OBI1: variants seen among roughly 807,000 people sequenced by gnomAD.
OBI1 encodes ORC ubiquitin ligase 1, also known as ring finger protein 219.
OBI1 carries 59 observed loss-of-function variants against 62.4 expected under a neutral mutation model. That is an observed-to-expected ratio of 0.95 (90% CI 0.77 to 1.17). OBI1 has a LOEUF of 1.17. OBI1 is among the 50% of genes most tolerant of loss of function. The probability of loss-of-function intolerance (pLI) is 0.00; values close to 1 mark genes in which losing one functional copy is unlikely to be tolerated. For synonymous variants in OBI1, 302 were observed against 292.8 expected, an observed-to-expected ratio of 1.03 and a Z score of -0.32; for missense variants, 875 against 830.9, an observed-to-expected ratio of 1.05 and a Z score of -0.65.
intron 4 of OBI1, among the ~76,000 whole-genome samples, chr13:78,636,051 C>T (rs552166548): frequency 6.6e-6 from 1 of 152,264 alleles, no homozygotes; most frequent in African/African-American, 2.4e-5. Context: ...GTATGAGCCA[C>T]TTGCCAGGCC....
intron 5 of OBI1, among the ~76,000 whole-genome samples, chr13:78,624,301 A>T (rs1875601059): frequency 6.6e-6 from 1 of 152,226 alleles, no homozygotes; most frequent in Non-Finnish European, 1.5e-5. Context: ...GACAAAGTTG[A>T]TAAAGACAGG....
In OBI1 at chr13:78,616,137, C is replaced by G. The variant is rs1875275546; in HGVS notation, c.1624G>C (p.Asp542His). ...TTGTCTGACTCTGACATCATTGAAT[C>G]CAACTCAGAGATTTTGTCAAGGTAA... ...AAYLDKISEL[D>H]SMMSESDNSK... The change falls in exon 6 of 6, where the codon GAT becomes CAT. Residue 542 changes from aspartate to histidine, a missense_variant. Asp to His is a moderately conservative substitution (Grantham distance 81). Coordinates refer to ENST00000282003, the MANE Select transcript of OBI1 (RefSeq NM_024546.4). 6.2e-7 allele frequency: 1 copy of G among 1,614,132 alleles called. No individual in the cohort carries two copies. Among genetic ancestry groups the G allele is most frequent in the East Asian group, 2.2e-5 (1 of 44,866 alleles).
chr13:78,647,970 G>C (rs866632747), intron 1 of OBI1, among the ~76,000 whole-genome samples: 1 of 144,916 alleles, frequency 6.9e-6, no homozygotes, highest in Non-Finnish European at 1.5e-5. Flanking sequence ...CAACTGGTTT[G>C]ACAGATTCAT....
Position 78,615,523 on chromosome 13 carries a change from T to TG in OBI1, c.*56_*57insC. The TG allele has an allele frequency of 1.5e-6, 2 of 1,331,844 alleles. No homozygotes were observed. Among genetic ancestry groups the TG allele is most frequent in the Non-Finnish European group, 2.1e-6 (2 of 967,844 alleles). 82.5% of individuals were successfully genotyped at this position (1,331,844 alleles called of 1,614,324 possible). ...ACTTTTATGAGGAAAAAAGGTAACT[T>TG]TAACAACTTTTCTATTTCTCTCAGG... On this transcript the variant is annotated 3_prime_UTR_variant, in exon 6 of 6. Coordinates refer to ENST00000282003, the MANE Select transcript of OBI1 (RefSeq NM_024546.4).
chr13:78,640,140 C>T (rs1876168481), intron 3 of OBI1, among the ~76,000 whole-genome samples: 2 of 151,822 alleles, frequency 1.3e-5, no homozygotes, highest in African/African-American at 4.8e-5. Context: ...TTGAGGCATA[C>T]TCAACTGCTT....
At chr13:78,629,678 T>C (rs1021186552) in intron 5 of OBI1, among the ~76,000 whole-genome samples, 20 of 152,154 alleles carry the variant, frequency 1.3e-4, no homozygotes, top group African/African-American at 4.8e-4. Context: ...TTTAGGAATA[T>C]GAGAAATCCA....
At chr13:78,630,909 C>T (rs141781402) in intron 5 of OBI1, among the ~76,000 whole-genome samples, 2 of 152,252 alleles carry the variant, frequency 1.3e-5, no homozygotes, top group African/African-American at 2.4e-5. Flanking sequence ...TGATTCCTTG[C>T]TATTATTTCA....
chr13:78,635,119 G>A lies in OBI1; in HGVS notation c.629C>T (p.Ser210Leu). ...LRLKAEVDNR[S>L]PQKFGRFAVA... Reference sequence around the variant, plus strand: ...GGAGCAAAATACATACTTTTGAGGTGATCTGTTATCAACTTCAGCCTTCAG... The same window carrying A: ...GGAGCAAAATACATACTTTTGAGGTAATCTGTTATCAACTTCAGCCTTCAG... Residue 210 changes from serine (S) to leucine (L), a missense_variant, in exon 5 of 6, where the codon TCA (serine) becomes TTA (leucine). Physicochemically the swap from Ser to Leu is moderately radical, Grantham distance 145. Transcript: ENST00000282003. The A allele has an allele frequency of 2.5e-6, 4 of 1,599,514 alleles. No homozygotes were observed. The highest frequency in any genetic ancestry group is 3.4e-6 in the Non-Finnish European group (4 of 1,169,122).
Position 78,615,723 on chromosome 13 carries a change from G to A in OBI1, c.2038C>T (p.His680Tyr), listed in dbSNP as rs764053866. The A allele has an allele frequency of 6.8e-6, 11 of 1,613,962 alleles. No homozygotes were observed. In the South Asian group the frequency reaches 7.7e-5, roughly 11 times the overall value. ...SSLFKMSSEM[H>Y]SLHNHLQSPW... Reference sequence around the variant, plus strand: ...GACTGAAGGTGGTTATGAAGACTGTGCATCTCTGAGGACATCTTAAACAAA... The same window carrying A: ...GACTGAAGGTGGTTATGAAGACTGTACATCTCTGAGGACATCTTAAACAAA... The change falls in exon 6 of 6, where the codon CAC (histidine) becomes TAC (tyrosine). Residue 680 changes from histidine (H) to tyrosine (Y), a missense_variant. Coordinates refer to ENST00000282003, the MANE Select transcript of OBI1 (RefSeq NM_024546.4).
rs527995103 is a variant in OBI1 at position 78,618,442 on chromosome 13, T to C, written c.639-1320A>G. ...AGAAGCCAATAGCAATTGCCCCTCTTAGAATCAACCACAACATGTTTTCAA... is the reference window on the plus strand; with the variant it reads ...AGAAGCCAATAGCAATTGCCCCTCTCAGAATCAACCACAACATGTTTTCAA... On this transcript the variant is annotated intron_variant, in intron 5 of 5. Coordinates refer to ENST00000282003, the MANE Select transcript of OBI1 (RefSeq NM_024546.4). 1.8e-4 allele frequency among the ~76,000 whole-genome samples: 27 copies of C among 152,012 alleles called. No homozygotes were observed. The East Asian group carries it at 4.6e-3, about 26-fold the overall frequency.
At chr13:78,629,968 T>C (rs1274016925) in intron 5 of OBI1, among the ~76,000 whole-genome samples, 1 of 152,156 alleles carries the variant, frequency 6.6e-6, no homozygotes, top group Non-Finnish European at 1.5e-5. Flanking sequence ...ATGTGGCTAC[T>C]ACTACTGGAG....
At position 78,617,127 on chromosome 13, in the gene OBI1, A is replaced by G. The variant is rs1345443272; in HGVS notation, c.639-5T>C. On this transcript the variant is annotated splice_region_variant and splice_polypyrimidine_tract_variant and intron_variant, in intron 5 of 5. Coordinates refer to ENST00000282003, the MANE Select transcript of OBI1 (RefSeq NM_024546.4). ...GCAACTGCAAACCTTCCAAACCTACAAAGAATGGAAAGATAGTTAATCTTA... is the reference window on the plus strand; with the variant it reads ...GCAACTGCAAACCTTCCAAACCTACGAAGAATGGAAAGATAGTTAATCTTA... The G allele has an allele frequency of 6.5e-7, 1 of 1,527,128 alleles. No individual in the cohort carries two copies. The highest frequency in any genetic ancestry group is 2.3e-5 in the East Asian group (1 of 44,220). 94.6% of individuals were successfully genotyped at this position (1,527,128 alleles called of 1,614,324 possible). A position where few individuals can be genotyped will look rare whatever the true frequency, so the allele number is the denominator to read the frequency against.
intron 1 of OBI1, 104 bp downstream of exon 1, chr13:78,658,945 C>A (rs2137477622): frequency 1.0e-6 from 1 of 969,896 alleles, no homozygotes; most frequent in Admixed American, 2.1e-5. Flanking sequence ...TCTCCCATCT[C>A]CGCGCCTCAC....
Position 78,641,251 on chromosome 13 carries a change from T to C in OBI1, c.300+871A>G, listed in dbSNP as rs571491173. Among the ~76,000 whole-genome samples, 17 of 152,316 alleles carry C rather than the reference T, an allele frequency of 1.1e-4. No homozygotes were observed. The South Asian group carries it at 3.5e-3, about 32-fold the overall frequency. On this transcript the variant is annotated intron_variant, in intron 3 of 5. Transcript: ENST00000282003. ...TAAATGTCACACAGATAGTACTACT[T>C]ACTATTTTAAATTGCAATACATTTC...
intron 4 of OBI1, among the ~76,000 whole-genome samples, chr13:78,637,358 T>C (rs1876061415): frequency 6.6e-6 from 1 of 152,214 alleles, no homozygotes; most frequent in African/African-American, 2.4e-5. Flanking sequence ...TTATTCAATA[T>C]CCCAAAGAAT....
chr13:78,639,068 C>A lies in OBI1; in HGVS notation c.304G>T (p.Glu102Ter). 11 of 1,611,400 alleles carry A rather than the reference C, an allele frequency of 6.8e-6. No individual in the cohort carries two copies. The highest frequency in any genetic ancestry group is 1.1e-5 in the South Asian group (1 of 90,478). Residue 102 changes from glutamate (E) to a stop codon, truncating the protein, a stop_gained, in exon 4 of 6, where the codon GAA becomes TAA. Transcript: ENST00000282003. LOFTEE classifies it high-confidence loss of function. ...LELLHKEYED[E>*]IDCLQKEVEE... ...ACTTCTTTCTGTAAACAATCTATTT[C>A]GTCCTGAAAAAGCATTGCATAGTCA...
At position 78,659,046 on chromosome 13, in the gene OBI1, T is replaced by G. The variant is rs759950718; in HGVS notation, c.72+3A>C. The G allele has an allele frequency of 1.9e-6, 3 of 1,612,136 alleles. No individual in the cohort carries two copies. The highest frequency in any genetic ancestry group is 2.2e-5 in the South Asian group (2 of 90,966). ...TGTAGCTGTGCCCACAATCACCCAT[T>G]ACCTTCCCCAAGCAAATGTGGCACG... On this transcript the variant is annotated splice_donor_region_variant and intron_variant, in intron 1 of 5. Transcript: ENST00000282003.
chr13:78,641,285 T>C (rs1876208872), intron 3 of OBI1, among the ~76,000 whole-genome samples: 1 of 152,190 alleles, frequency 6.6e-6, no homozygotes, highest in Non-Finnish European at 1.5e-5. Context: ...TCAACTTAAA[T>C]AGCATTTTCA....
At chr13:78,626,734 T>C (rs921288993) in intron 5 of OBI1, among the ~76,000 whole-genome samples, 3 of 152,144 alleles carry the variant, frequency 2.0e-5, no homozygotes, top group Admixed American at 1.3e-4. Flanking sequence ...GCAAGGATAT[T>C]AAACTGAAGT....
Sources: gnomAD v4.1 joint callset for allele counts (sites outside exome capture counted in the v4.1 genomes callset) on GRCh38, gnomAD v4.1.1 for gene constraint, MANE v1.5 for transcripts, NCBI Gene and HGNC (gene_info 2026-07-23, HGNC 2026-07-21) for gene names.